RSBN1L: variants seen among roughly 807,000 people sequenced by gnomAD.
RSBN1L encodes round spermatid basic protein 1 like.
In RSBN1L, 30 loss-of-function variants were observed where a neutral mutation model predicts 67.7. That is an observed-to-expected ratio of 0.44 (90% CI 0.33 to 0.60). The LOEUF is 0.60. Ranked by LOEUF, RSBN1L falls within the 20% of genes least tolerant of loss-of-function variation. The probability of loss-of-function intolerance (pLI) is 0.02; values close to 1 mark genes in which losing one functional copy is unlikely to be tolerated. For missense variants in RSBN1L, 992 were observed against 1,031.7 expected (o/e 0.96, Z 0.53); for synonymous variants, 433 against 387.0 (o/e 1.12, Z -1.39).
intron 1 of RSBN1L, among the ~76,000 whole-genome samples, chr7:77,725,965 C>T (rs909945761): frequency 2.0e-5 from 3 of 151,742 alleles, no homozygotes; most frequent in African/African-American, 7.3e-5. Context: ...TTTTAGTTAA[C>T]AGTGTGTCTT....
At chr7:77,718,371 G>A (rs994334973) in intron 1 of RSBN1L, among the ~76,000 whole-genome samples, 5 of 152,092 alleles carry the variant, frequency 3.3e-5, no homozygotes, top group South Asian at 2.1e-4. Context: ...GTGCAATCAC[G>A]GCTTCAACTT....
At chr7:77,728,183 C>T (rs2150418539) in intron 1 of RSBN1L, among the ~76,000 whole-genome samples, 1 of 152,104 alleles carries the variant, frequency 6.6e-6, no homozygotes, top group East Asian at 1.9e-4. Flanking sequence ...TTACTACTCC[C>T]TAGTTTACTT....
chr7:77,779,026 T>A lies in RSBN1L; in HGVS notation c.2399T>A (p.Ile800Asn), dbSNP rs1791958003. ...LDHVQFAEFK[I>N]DMDSKFENSN... ...CATGTTCAATTTGCAGAATTTAAGA[T>A]TGACATGGATTCTAAATTTGAAAAT... Residue 800 changes from isoleucine (I) to asparagine (N), a missense_variant, in exon 8 of 8, where the codon ATT becomes AAT. Ile to Asn is a moderately radical substitution (Grantham distance 149). Coordinates refer to ENST00000334955, the MANE Select transcript of RSBN1L (RefSeq NM_198467.3). The A allele has an allele frequency of 6.2e-7, 1 of 1,613,922 alleles. No individual in the cohort carries two copies. Among genetic ancestry groups the A allele is most frequent in the Admixed American group, 1.7e-5 (1 of 59,998 alleles).
At chr7:77,734,275 TA>T (rs1190225815) in intron 1 of RSBN1L, among the ~76,000 whole-genome samples, 2 of 152,158 alleles carry the variant, frequency 1.3e-5, no homozygotes, top group Non-Finnish European at 2.9e-5. Flanking sequence ...TTTATTACAT[TA>T]ATATTATACT....
At chr7:77,770,931 C>G (rs1791840351) in intron 5 of RSBN1L, among the ~76,000 whole-genome samples, 1 of 151,982 alleles carries the variant, frequency 6.6e-6, no homozygotes, top group South Asian at 2.1e-4. Context: ...GAGATTATAG[C>G]CTTTTGTTTT....
chr7:77,735,429 T>C (rs1226602135), intron 1 of RSBN1L, among the ~76,000 whole-genome samples: 1 of 152,172 alleles, frequency 6.6e-6, no homozygotes. Context: ...ATAAAATTGT[T>C]TACCAATTCA....
At chr7:77,754,407 T>C (rs1791591473) in intron 3 of RSBN1L, among the ~76,000 whole-genome samples, 1 of 152,238 alleles carries the variant, frequency 6.6e-6, no homozygotes, top group Non-Finnish European at 1.5e-5. Context: ...TCTTCCGATC[T>C]GTGATCATGG....
Position 77,696,935 on chromosome 7 carries a change from A to C in RSBN1L, c.466A>C (p.Lys156Gln). ...CGCCGCCGCTGCCTCGGCTAACGCC[A>C]AGTCGCGCAGACCTAAGGAGAAGCG... is the stretch of plus-strand genomic sequence containing the variant. ...AAAAAASANA[K>Q]SRRPKEKREK... Residue 156 changes from lysine (K) to glutamine (Q), a missense_variant, in exon 1 of 8, where the codon AAG becomes CAG. By Grantham distance (53) the Lys-to-Gln change is moderately conservative (BLOSUM62 1). This residue lies in a region of RSBN1L where 575 missense variants were observed against 483.2 expected (regional missense o/e 1.19). Coordinates refer to ENST00000334955, the MANE Select transcript of RSBN1L (RefSeq NM_198467.3). 6.3e-7 allele frequency: 1 copy of C among 1,599,336 alleles called. No individual in the cohort carries two copies. The highest frequency in any genetic ancestry group is 8.5e-7 in the Non-Finnish European group (1 of 1,178,590).
chr7:77,709,198 A>ATG (rs11268837), intron 1 of RSBN1L, among the ~76,000 whole-genome samples: 13,455 of 62,742 alleles, frequency 0.21, 883 homozygotes, highest in African/African-American at 0.32. Flanking sequence ...GTGTGTGTGT[A>ATG]TGTATGTGTA....
In RSBN1L at chr7:77,696,667, C is replaced by T; in HGVS notation, c.198C>T (p.Ser66=). 1 of 1,611,046 alleles carries T rather than the reference C, an allele frequency of 6.2e-7. No individual in the cohort carries two copies. The highest frequency in any genetic ancestry group is 1.1e-5 in the South Asian group (1 of 91,056). Residue 66 remains serine, a synonymous_variant, in exon 1 of 8, where the codon AGC becomes AGT. Transcript: ENST00000334955. ...GAGAAGGGGGCAGCGGCGGGAACAG[C>T]AGGCAGCTGCAGCCGCCGGCAGCAC... ...VNGEGGSGGN[S]RQLQPPAAPS...
intron 2 of RSBN1L, among the ~76,000 whole-genome samples, chr7:77,741,766 C>G (rs1332447351): frequency 6.6e-6 from 1 of 151,438 alleles, no homozygotes; most frequent in Non-Finnish European, 1.5e-5. Flanking sequence ...GTAGGAGAAG[C>G]AAATTGGTAT....
intron 1 of RSBN1L, among the ~76,000 whole-genome samples, chr7:77,731,908 T>G (rs1791276984): frequency 6.6e-6 from 1 of 152,152 alleles, no homozygotes; most frequent in Non-Finnish European, 1.5e-5. Flanking sequence ...AAGACTTCTA[T>G]CTCCATCAAG....
rs184087627 is a variant in RSBN1L, at chr7:77,736,258, C to T, written c.587-152C>T. Reference sequence around the variant, plus strand: ...AAAAAGGGAAATTTAGAAATATTCCCCAAAACCTGAGAGGAAAAAGAAAAG... The same window carrying T: ...AAAAAGGGAAATTTAGAAATATTCCTCAAAACCTGAGAGGAAAAAGAAAAG... On this transcript the variant is annotated intron_variant, in intron 1 of 7. Coordinates refer to ENST00000334955, the MANE Select transcript of RSBN1L (RefSeq NM_198467.3). 5.2e-5 allele frequency: 13 copies of T among 251,340 alleles called. 1 individual carries two copies. The East Asian group carries it at 9.8e-4, about 19-fold the overall frequency. 15.6% of individuals were successfully genotyped at this position (251,340 alleles called of 1,614,324 possible). A position where few individuals can be genotyped will look rare whatever the true frequency, so the allele number is the denominator to read the frequency against.
At chr7:77,741,467 G>A (rs1399544599) in intron 2 of RSBN1L, among the ~76,000 whole-genome samples, 1 of 151,698 alleles carries the variant, frequency 6.6e-6, no homozygotes, top group Non-Finnish European at 1.5e-5. Context: ...TGAGATGGGT[G>A]GATCATGAGG....
intron 3 of RSBN1L, among the ~76,000 whole-genome samples, chr7:77,761,224 C>A (rs1222348009): frequency 6.6e-6 from 1 of 152,162 alleles, no homozygotes; most frequent in African/African-American, 2.4e-5. Flanking sequence ...TGCCTTAGGG[C>A]AGCTGCAGCT....
intron 1 of RSBN1L, among the ~76,000 whole-genome samples, chr7:77,722,019 T>G (rs1791126413): frequency 6.6e-6 from 1 of 152,222 alleles, no homozygotes; most frequent in African/African-American, 2.4e-5. Flanking sequence ...AAGTATAAAC[T>G]GAACTGGTCA....
intron 1 of RSBN1L, among the ~76,000 whole-genome samples, chr7:77,721,475 A>G (rs1791118867): frequency 6.6e-6 from 1 of 152,172 alleles, no homozygotes; most frequent in Non-Finnish European, 1.5e-5. Flanking sequence ...TCAGAATTCA[A>G]ATTATAGAAG....
At chr7:77,767,280 G>A (rs1791781041) in intron 4 of RSBN1L, among the ~76,000 whole-genome samples, 5 of 82,240 alleles carry the variant, frequency 6.1e-5, no homozygotes, top group African/African-American at 2.1e-4. Context: ...AAAAGGGGGT[G>A]TGTGGTGAAA....
chr7:77,751,203 G>A (rs1791552210), intron 3 of RSBN1L, among the ~76,000 whole-genome samples: 1 of 152,130 alleles, frequency 6.6e-6, no homozygotes, highest in East Asian at 1.9e-4. Flanking sequence ...GCAGTGGTGC[G>A]ACCTTGGCTC....
Sources: allele counts gnomAD v4.1 joint callset (sites outside exome capture counted in the v4.1 genomes callset), GRCh38; gene constraint gnomAD v4.1.1; regional missense constraint gnomAD v4.1.1; transcripts MANE v1.5; gene names NCBI Gene and HGNC (gene_info 2026-07-23, HGNC 2026-07-21).